Variants in TRIP12 observed in about 807,000 individuals in gnomAD.
TRIP12 encodes the protein E3 ubiquitin-protein ligase TRIP12.
A neutral mutation model predicts 244.2 loss-of-function variants in TRIP12; 25 were observed. The ratio of observed to expected loss-of-function variants is 0.10; its 90% CI spans 0.07 to 0.14. TRIP12 has a LOEUF of 0.14. TRIP12 is among the 10% of genes least tolerant of loss of function. TRIP12 has a pLI of 1.00. For synonymous variants in TRIP12, 905 were observed against 873.1 expected (o/e 1.04, Z -0.64); for missense variants, 1,677 against 2,486.4 (o/e 0.67, Z 6.92).
intron 1 of TRIP12, among the ~76,000 whole-genome samples, chr2:229,920,801 G>A (rs1234016054): frequency 6.6e-6 from 1 of 152,128 alleles, no homozygotes; most frequent in African/African-American, 2.4e-5. Context: ...AGGGAGAGAC[G>A]CCGAGGAAGA....
rs897954980 is a variant in TRIP12, at chr2:229,817,419, T to A, written c.1599+945A>T. The stretch of plus-strand genomic sequence containing the variant: ...GAAAATTATCAATCCACTATTTAAA[T>A]GCTGTATTGTGCTAAGGTGCCTACA... On this transcript the variant is annotated intron_variant, in intron 9 of 41. Transcript: ENST00000675903. 3.3e-5 allele frequency among the ~76,000 whole-genome samples: 5 copies of A among 152,316 alleles called. No individual in the cohort carries two copies. The East Asian group carries it at 9.6e-4, about 29-fold the overall frequency.
At chr2:229,890,591 G>A (rs1181134736) in intron 1 of TRIP12, among the ~76,000 whole-genome samples, 2 of 152,172 alleles carry the variant, frequency 1.3e-5, no homozygotes, top group African/African-American at 4.8e-5. Context: ...TATAGTTAAG[G>A]TGGGGGAAAG....
At chr2:229,884,293 G>A (rs548334474) in intron 1 of TRIP12, among the ~76,000 whole-genome samples, 1 of 139,294 alleles carries the variant, frequency 7.2e-6, no homozygotes, top group Admixed American at 7.6e-5. Context: ...CTGGAGTGCA[G>A]TGGCACGATC....
chr2:229,842,068 T>G (rs768460979), intron 4 of TRIP12, among the ~76,000 whole-genome samples: 7 of 152,210 alleles, frequency 4.6e-5, no homozygotes, highest in Non-Finnish European at 7.4e-5. Flanking sequence ...AAGATAAAAA[T>G]CTATGTTTAG....
intron 5 of TRIP12, among the ~76,000 whole-genome samples, chr2:229,839,730 C>T (rs193179239): frequency 1.5e-4 from 23 of 151,850 alleles, no homozygotes; most frequent in Admixed American, 1.4e-3. Context: ...ACGGAGAACT[C>T]ATATATAGCT....
intron 4 of TRIP12, among the ~76,000 whole-genome samples, chr2:229,846,311 C>T (rs1030917808): frequency 2.0e-5 from 3 of 152,168 alleles, no homozygotes; most frequent in African/African-American, 4.8e-5. Flanking sequence ...CACAATCACA[C>T]CAACCTTCAG....
intron 2 of TRIP12, among the ~76,000 whole-genome samples, chr2:229,872,448 C>CA (rs1283152572): frequency 1.3e-5 from 2 of 152,226 alleles, no homozygotes; most frequent in East Asian, 3.9e-4. Flanking sequence ...CCTGTAGTCC[C>CA]AGCTGCTCAG....
At position 229,779,089 on chromosome 2, in the gene TRIP12, C is replaced by T; in HGVS notation, c.5095-99G>A. 10 of 942,346 alleles carry T rather than the reference C, an allele frequency of 1.1e-5. No individual in the cohort carries two copies. In the South Asian group the frequency reaches 1.4e-4, roughly 13 times the overall value. The allele number at this position is 942,346 out of a possible 1,614,324, so 58.4% of individuals were successfully genotyped here. A position where few individuals can be genotyped will look rare whatever the true frequency, so the allele number is the denominator to read the frequency against. On this transcript the variant is annotated intron_variant, in intron 34 of 41. Coordinates refer to ENST00000675903, the MANE Select transcript of TRIP12 (RefSeq NM_001348323.3). ...GTGCACACTAACAGCAACTGTTTAC[C>T]AGGATGCATTAGAGATTATTTTCCA...
intron 17 of TRIP12, among the ~76,000 whole-genome samples, chr2:229,807,117 C>T (rs1289692842): frequency 2.6e-5 from 4 of 152,100 alleles, no homozygotes; most frequent in Non-Finnish European, 4.4e-5. Flanking sequence ...TACATTCCTC[C>T]CCTTTGTATT....
intron 1 of TRIP12, among the ~76,000 whole-genome samples, chr2:229,888,254 T>C (rs1305597101): frequency 6.6e-6 from 1 of 152,132 alleles, no homozygotes; most frequent in Non-Finnish European, 1.5e-5. Flanking sequence ...AGAGTTTCAA[T>C]AAGCAAATGG....
intron 23 of TRIP12, 53 bp from the exon 24 acceptor site, chr2:229,797,884 T>C (rs2043204653): frequency 2.6e-6 from 4 of 1,567,742 alleles, no homozygotes; most frequent in South Asian, 1.2e-5. Flanking sequence ...AGAAAGGATA[T>C]AACTTCTGAT....
At chr2:229,790,902 T>C (rs1022019777) in intron 30 of TRIP12, among the ~76,000 whole-genome samples, 13 of 152,358 alleles carry the variant, frequency 8.5e-5, no homozygotes, top group African/African-American at 3.1e-4. Context: ...AATAAGTTTT[T>C]TTCCCAATTT....
intron 34 of TRIP12, among the ~76,000 whole-genome samples, chr2:229,779,959 T>C (rs909178937): frequency 6.6e-6 from 1 of 152,222 alleles, no homozygotes; most frequent in Non-Finnish European, 1.5e-5. Context: ...TCACAGGTTA[T>C]ACTCTAAGTC....
intron 6 of TRIP12, among the ~76,000 whole-genome samples, chr2:229,831,869 T>C (rs1415282699): frequency 7.7e-6 from 1 of 129,146 alleles, no homozygotes; most frequent in Non-Finnish European, 1.5e-5. Flanking sequence ...TCAAAGGTTT[T>C]TTTTGTTTGT....
intron 2 of TRIP12, among the ~76,000 whole-genome samples, chr2:229,867,171 G>GTTTTTTTTTTT (rs11335613): frequency 8.1e-6 from 1 of 123,536 alleles, no homozygotes; most frequent in African/African-American, 3.0e-5. Context: ...TTGTTTGTTT[G>GTTTTTTTTTTT]TTTTTTTTTT....
In TRIP12 at chr2:229,815,120, A is replaced by G; in HGVS notation, c.1710T>C (p.Ala570=). The change falls in exon 11 of 42, where the codon GCT becomes GCC. Residue 570 remains alanine, a synonymous_variant. Coordinates refer to ENST00000675903, the MANE Select transcript of TRIP12 (RefSeq NM_001348323.3). ...LPRSSAVVVD[A]IPVFLEKLQV... is the part of the protein sequence containing the mutation. ...TCACCTTTTCTAAAAAGACAGGAAT[A>G]GCATCTACTACAACAGCAGAAGATC... 1 of 1,612,472 alleles carries G rather than the reference A, an allele frequency of 6.2e-7. No individual in the cohort carries two copies.
chr2:229,917,151 C>T (rs965820003), intron 1 of TRIP12, among the ~76,000 whole-genome samples: 5 of 151,954 alleles, frequency 3.3e-5, no homozygotes, highest in African/African-American at 4.8e-5. Context: ...GAGTCCAAGG[C>T]GGGTGGATCA....
chr2:229,802,902 CA>C, intron 20 of TRIP12, among the ~76,000 whole-genome samples: 1 of 152,040 alleles, frequency 6.6e-6, no homozygotes, highest in South Asian at 2.1e-4. Flanking sequence ...AAAAAAAAAC[CA>C]GCTATTGAAG....
chr2:229,835,693 T>A (rs115059549), intron 6 of TRIP12, among the ~76,000 whole-genome samples: 1 of 152,232 alleles, frequency 6.6e-6, no homozygotes, highest in Admixed American at 6.5e-5. Flanking sequence ...ATATTAGTTA[T>A]AATAATTACT....
Sources: allele counts gnomAD v4.1 joint callset (sites outside exome capture counted in the v4.1 genomes callset), GRCh38; gene constraint gnomAD v4.1.1; transcripts MANE v1.5; gene names NCBI Gene and HGNC (gene_info 2026-07-23, HGNC 2026-07-21).